The following CCDC85A variants were observed in gnomAD, a reference collection of about 807,000 sequenced individuals.
The protein encoded by CCDC85A is coiled-coil domain containing 85A, also known as coiled-coil domain-containing protein 85A.
CCDC85A carries 38 observed loss-of-function variants against 50.2 expected under a neutral mutation model. The observed-to-expected ratio is 0.76, with a 90% CI of 0.58 to 0.99. CCDC85A has a LOEUF of 0.99. Ranked by LOEUF, CCDC85A falls within the 50% of genes least tolerant of loss-of-function variation. CCDC85A has a pLI of 0.00. For synonymous variants in CCDC85A, 366 were observed against 301.4 expected (o/e 1.21, Z -2.22); for missense variants, 820 against 742.0 (o/e 1.11, Z -1.22).
chr2:56,268,528 G>A (rs1670553048), intron 2 of CCDC85A, among the ~76,000 whole-genome samples: 1 of 148,544 alleles, frequency 6.7e-6, no homozygotes, highest in African/African-American at 2.5e-5. Context: ...CTGGGAGGCG[G>A]AGGTTGCAGT....
intron 2 of CCDC85A, among the ~76,000 whole-genome samples, chr2:56,202,345 T>G (rs973876830): frequency 2.0e-5 from 3 of 152,226 alleles, no homozygotes; most frequent in African/African-American, 4.8e-5. Context: ...TTCCTATTCC[T>G]AACCTGGGAG....
At chr2:56,254,498 G>A (rs1221042334) in intron 2 of CCDC85A, among the ~76,000 whole-genome samples, 1 of 152,160 alleles carries the variant, frequency 6.6e-6, no homozygotes, top group Admixed American at 6.5e-5. Context: ...CAAGCACTGT[G>A]TTAGACATGG....
chr2:56,374,321 G>A (rs1472868609), intron 4 of CCDC85A, among the ~76,000 whole-genome samples: 2 of 152,150 alleles, frequency 1.3e-5, no homozygotes, highest in Non-Finnish European at 2.9e-5. Context: ...GGCAGGGGGA[G>A]CCTTTGAGGA....
At chr2:56,279,813 A>G (rs1671123913) in intron 2 of CCDC85A, among the ~76,000 whole-genome samples, 1 of 152,240 alleles carries the variant, frequency 6.6e-6, no homozygotes, top group South Asian at 2.1e-4. Flanking sequence ...TTGGGTATAT[A>G]TACCTGTTTT....
At chr2:56,352,182 C>T (rs1029903082) in intron 3 of CCDC85A, among the ~76,000 whole-genome samples, 1 of 151,996 alleles carries the variant, frequency 6.6e-6, no homozygotes, top group Non-Finnish European at 1.5e-5. Flanking sequence ...AAGTTGGTGC[C>T]TTCTGTATCC....
Position 56,184,488 on chromosome 2 carries a change from A to C in CCDC85A, c.-137A>C. ...ACCCAGCGCGACCCCCGCCGCCCCAACCCAGCGGCCCCTGGGCGGTGCCGC... is the reference window on the plus strand; with the variant it reads ...ACCCAGCGCGACCCCCGCCGCCCCACCCCAGCGGCCCCTGGGCGGTGCCGC... On this transcript the variant is annotated 5_prime_UTR_variant, in exon 1 of 6. Coordinates refer to ENST00000407595, the MANE Select transcript of CCDC85A (RefSeq NM_001080433.2). 1.0e-6 allele frequency: 1 copy of C among 1,003,430 alleles called. No homozygotes were observed. Among genetic ancestry groups the C allele is most frequent in the Non-Finnish European group, 1.3e-6 (1 of 783,916 alleles). The allele number at this position is 1,003,430 out of a possible 1,614,324, so 62.2% of individuals were successfully genotyped here.
chr2:56,374,633 ACTCTGT>A (rs1339126133), intron 4 of CCDC85A, among the ~76,000 whole-genome samples: 1 of 151,864 alleles, frequency 6.6e-6, no homozygotes, highest in African/African-American at 2.4e-5. Context: ...ACATAGCAAG[ACTCTGT>A]CTCTGTGAAA....
At chr2:56,257,859 C>T (rs1285726077) in intron 2 of CCDC85A, among the ~76,000 whole-genome samples, 5 of 151,952 alleles carry the variant, frequency 3.3e-5, no homozygotes, top group Non-Finnish European at 7.4e-5. Context: ...GTTGTAGATG[C>T]CAAATCTTTG....
chr2:56,256,853 C>A (rs376653498), intron 2 of CCDC85A, among the ~76,000 whole-genome samples: 1 of 152,158 alleles, frequency 6.6e-6, no homozygotes, highest in East Asian at 1.9e-4. Context: ...AAATCAGGTT[C>A]CAGTTGTAAA....
At chr2:56,232,796 C>G (rs1668830933) in intron 2 of CCDC85A, among the ~76,000 whole-genome samples, 1 of 152,274 alleles carries the variant, frequency 6.6e-6, no homozygotes, top group Non-Finnish European at 1.5e-5. Flanking sequence ...TACCCTGGTC[C>G]AAGACATCAC....
chr2:56,246,924 G>T (rs997083956), intron 2 of CCDC85A, among the ~76,000 whole-genome samples: 2 of 152,168 alleles, frequency 1.3e-5, no homozygotes, highest in Non-Finnish European at 2.9e-5. Context: ...AGAAAGGACA[G>T]TTCATTCCAA....
chr2:56,258,461 C>T (rs1418833180), intron 2 of CCDC85A, among the ~76,000 whole-genome samples: 3 of 152,192 alleles, frequency 2.0e-5, no homozygotes, highest in Non-Finnish European at 2.9e-5. Context: ...CGTCAGACTT[C>T]ATTATCCGAT....
chr2:56,285,222 C>T (rs1430919496), intron 2 of CCDC85A, among the ~76,000 whole-genome samples: 4 of 151,498 alleles, frequency 2.6e-5, no homozygotes, highest in African/African-American at 9.7e-5. Context: ...CTGCCTCGGC[C>T]TCCCAAGTAG....
rs867530684 is a variant in CCDC85A at position 56,342,941 on chromosome 2, C to A, written c.1303C>A (p.Arg435Ser). Reference sequence around the variant, plus strand: ...AGTAAGACAGCTGGAGGAAGAAAATCGCATGCTGCCCCAGGTGGGTGACTT... The same window carrying A: ...AGTAAGACAGCTGGAGGAAGAAAATAGCATGCTGCCCCAGGTGGGTGACTT... ...ARVRQLEEEN[R>S]MLPQASQNRR... The change falls in exon 3 of 6, where the codon CGC becomes AGC. Residue 435 changes from arginine to serine, a missense_variant. Physicochemically the swap from Arg to Ser is moderately radical, Grantham distance 110. Transcript: ENST00000407595. The A allele has an allele frequency of 6.3e-7, 1 of 1,594,700 alleles. No homozygotes were observed. Among genetic ancestry groups the A allele is most frequent in the Non-Finnish European group, 8.6e-7 (1 of 1,169,552 alleles).
At chr2:56,231,019 C>A (rs1668750516) in intron 2 of CCDC85A, among the ~76,000 whole-genome samples, 1 of 152,140 alleles carries the variant, frequency 6.6e-6, no homozygotes, top group Non-Finnish European at 1.5e-5. Context: ...ATTGCTTAGT[C>A]TGGAATATTT....
intron 5 of CCDC85A, chr2:56,383,485 C>A: frequency 1.8e-6 from 1 of 566,794 alleles, no homozygotes; most frequent in Non-Finnish European, 2.2e-6. Context: ...TACGTTTATG[C>A]TTACATTATT....
In CCDC85A at chr2:56,324,646, T is replaced by C. The variant is rs374160919; in HGVS notation, c.1241-18233T>C. Among the ~76,000 whole-genome samples the C allele has an allele frequency of 5.9e-5, 9 of 152,258 alleles. No homozygotes were observed. The East Asian group carries it at 1.4e-3, about 23-fold the overall frequency. On this transcript the variant is annotated intron_variant, in intron 2 of 5. Coordinates refer to ENST00000407595, the MANE Select transcript of CCDC85A (RefSeq NM_001080433.2). ...TAATGTGTTCTAAAGGGGAATGTTT[T>C]TGTTGTTATTTGCACTTCTACATTA...
chr2:56,195,041 T>G lies in CCDC85A; in HGVS notation c.1240+1601T>G, dbSNP rs114148230. 3.7e-3 allele frequency among the ~76,000 whole-genome samples: 566 copies of G among 152,322 alleles called. 4 individuals are homozygous for G. The highest frequency in any genetic ancestry group is 0.013 in the African/African-American group (522 of 41,566). ...AAGGTAAAGTTAATGATTTTTCCAT[T>G]TCTTGATTACTTTTTAATGAGCTTG... On this transcript the variant is annotated intron_variant, in intron 2 of 5. Transcript: ENST00000407595.
intron 2 of CCDC85A, among the ~76,000 whole-genome samples, chr2:56,252,846 C>T (rs1669826422): frequency 6.6e-6 from 1 of 152,004 alleles, no homozygotes; most frequent in African/African-American, 2.4e-5. Flanking sequence ...TTTCCAGCTT[C>T]ATCCATGTCC....
Sources: gnomAD v4.1 joint callset for allele counts (sites outside exome capture counted in the v4.1 genomes callset) on GRCh38, gnomAD v4.1.1 for gene constraint, MANE v1.5 for transcripts, NCBI Gene and HGNC (gene_info 2026-07-23, HGNC 2026-07-21) for gene names.